RTL9: variants seen among roughly 807,000 people sequenced by gnomAD.
The protein encoded by RTL9 is retrotransposon Gag-like protein 9.
Under a neutral mutation model 44.7 loss-of-function variants are expected in RTL9, and 19 were observed. The observed-to-expected ratio is 0.42, with a 90% confidence interval of 0.30 to 0.62. The LOEUF is 0.62. RTL9 is among the 20% of genes least tolerant of loss of function. RTL9 has a pLI of 0.16. For missense variants in RTL9, 1,105 were observed against 1,080.6 expected (o/e 1.02, Z -0.32); for synonymous variants, 407 against 398.9 (o/e 1.02, Z -0.24).
At chrX:110,423,841 G>C (rs2068736248) in intron 1 of RTL9, among the ~76,000 whole-genome samples, 1 of 112,231 alleles carries the variant, frequency 8.9e-6, no homozygotes, top group African/African-American at 3.2e-5. Flanking sequence ...GGTGTTGCAT[G>C]GTAAGAAACA....
At chrX:110,435,938 G>A (rs1298224579) in intron 1 of RTL9, among the ~76,000 whole-genome samples, 2 of 112,169 alleles carry the variant, frequency 1.8e-5, no homozygotes, top group Admixed American at 9.4e-5. Flanking sequence ...CATTTCACAG[G>A]CAAAGAGCAA....
At chrX:110,416,195 T>C (rs1348847444), upstream of RTL9, among the ~76,000 whole-genome samples, 2 of 111,527 alleles carry the variant, frequency 1.8e-5, no homozygotes, top group Non-Finnish European at 3.8e-5. Flanking sequence ...CTGAGTTTCA[T>C]AGAGGCTCAG....
exon 2 of RTL9, chrX:110,455,357 G>T (rs753520604): frequency 8.3e-7 from 1 of 1,198,611 alleles, no homozygotes; most frequent in East Asian, 3.0e-5. Flanking sequence ...TATCTGACTC[G>T]ACCGCTAACT....
chrX:110,387,638 C>T (rs1043623282), intron 1 of RTL9, among the ~76,000 whole-genome samples: 1 of 111,704 alleles, frequency 9.0e-6, no homozygotes. Context: ...AGAATATCAA[C>T]TAAAACCCAC....
chrX:110,430,658 G>T lies in RTL9; in HGVS notation c.-168+11523G>T, dbSNP rs182469927. On this transcript the variant is annotated intron_variant, in intron 1 of 3. Coordinates refer to the RTL9 transcript ENST00000465301. ...CCACACCAGGCATGAAAAGGAAGCT[G>T]GCATGGTCTTGTGTTGTCAGTTAAC... Among the ~76,000 whole-genome samples the T allele has an allele frequency of 9.0e-4, 101 of 112,149 alleles. 1 individual carries two copies. The highest frequency in any genetic ancestry group is 1.7e-3 in the Non-Finnish European group (90 of 53,189).
At chrX:110,430,795 G>A (rs1412178918) in intron 1 of RTL9, among the ~76,000 whole-genome samples, 1 of 112,496 alleles carries the variant, frequency 8.9e-6, no homozygotes, top group Non-Finnish European at 1.9e-5. Context: ...GTGAATAAAT[G>A]ACTGTTTTGA....
intron 1 of RTL9, among the ~76,000 whole-genome samples, chrX:110,366,079 G>A (rs1485708428): frequency 9.0e-6 from 1 of 111,579 alleles, no homozygotes; most frequent in African/African-American, 3.3e-5. Flanking sequence ...ACATGTGTTG[G>A]TTCCTGCCAT....
intron 1 of RTL9, among the ~76,000 whole-genome samples, chrX:110,393,920 C>A (rs1420720562): frequency 8.9e-6 from 1 of 112,143 alleles, no homozygotes; most frequent in African/African-American, 3.2e-5. Context: ...AAAATGAAAA[C>A]TCGTAAAGTA....
chrX:110,405,518 T>A (rs2068595245), intron 1 of RTL9, among the ~76,000 whole-genome samples: 1 of 112,161 alleles, frequency 8.9e-6, no homozygotes, highest in African/African-American at 3.2e-5. Context: ...TCCCCACTGC[T>A]AATAGAAGAG....
At chrX:110,433,672 C>G (rs1271962445) in intron 1 of RTL9, among the ~76,000 whole-genome samples, 3 of 111,971 alleles carry the variant, frequency 2.7e-5, no homozygotes, top group Non-Finnish European at 5.6e-5. Flanking sequence ...TTGGCTCACT[C>G]TCAATCATGA....
upstream of RTL9, among the ~76,000 whole-genome samples, chrX:110,448,413 C>G (rs769151068): frequency 2.7e-5 from 3 of 110,179 alleles, no homozygotes; most frequent in South Asian, 1.2e-3. Context: ...GTTTCCTGAG[C>G]CAGGACCCTT....
exon 1 of RTL9, chrX:110,453,040 C>T (rs775214006): frequency 1.9e-5 from 23 of 1,209,655 alleles, no homozygotes; most frequent in African/African-American, 3.5e-5. Flanking sequence ...GAGATAGCCA[C>T]GCCTCTGAGA....
At chrX:110,398,986 T>C (rs1258631775) in intron 1 of RTL9, among the ~76,000 whole-genome samples, 1 of 112,086 alleles carries the variant, frequency 8.9e-6, no homozygotes, top group African/African-American at 3.2e-5. Flanking sequence ...GCCATATATG[T>C]TGACTAGGAG....
intron 1 of RTL9, among the ~76,000 whole-genome samples, chrX:110,426,404 C>T (rs763700093): frequency 4.5e-5 from 5 of 111,545 alleles, no homozygotes; most frequent in Admixed American, 2.9e-4. Flanking sequence ...GTCTGCTTGC[C>T]CACGGAGGAG....
At chrX:110,401,562 G>T (rs1372661087) in intron 1 of RTL9, among the ~76,000 whole-genome samples, 2 of 111,784 alleles carry the variant, frequency 1.8e-5, no homozygotes, top group Non-Finnish European at 3.8e-5. Flanking sequence ...CGGGAGGCAT[G>T]TAGGTGTTTC....
chrX:110,361,470 G>A (rs771078971), intron 1 of RTL9, among the ~76,000 whole-genome samples: 1 of 111,096 alleles, frequency 9.0e-6, no homozygotes, highest in South Asian at 3.8e-4. Flanking sequence ...ATTTTATTAT[G>A]TGAATGTCAG....
intron 1 of RTL9, among the ~76,000 whole-genome samples, chrX:110,364,910 C>G (rs965407919): frequency 8.9e-6 from 1 of 112,081 alleles, no homozygotes; most frequent in Non-Finnish European, 1.9e-5. Flanking sequence ...GTTCCTGAGC[C>G]TCAGCTCCCT....
chrX:110,448,673 C>T (rs865851726), upstream of RTL9, among the ~76,000 whole-genome samples: 2 of 8,057 alleles, frequency 2.5e-4, no homozygotes, highest in Admixed American at 1.5e-3. Flanking sequence ...AGCAGTGGGG[C>T]GGGTGGGCGG....
chrX:110,430,372 A>G (rs2068787827), intron 1 of RTL9, among the ~76,000 whole-genome samples: 1 of 112,521 alleles, frequency 8.9e-6, no homozygotes, highest in South Asian at 3.7e-4. Flanking sequence ...TGTGTGTATT[A>G]ACTCATTTAA....
Sources: gnomAD v4.1 joint callset for allele counts (sites outside exome capture counted in the v4.1 genomes callset) on GRCh38, gnomAD v4.1.1 for gene constraint, MANE v1.5 for transcripts, NCBI Gene and HGNC (gene_info 2026-07-23, HGNC 2026-07-21) for gene names.